ERI1: variants seen among roughly 807,000 people sequenced by gnomAD.
ERI1 encodes the protein exoribonuclease 1.
A neutral mutation model predicts 39.7 loss-of-function variants in ERI1; 39 were observed. That is an observed-to-expected ratio of 0.98 (90% CI 0.76 to 1.28). ERI1 has a LOEUF of 1.28. ERI1 is among the 50% of genes most tolerant of loss of function. The probability of loss-of-function intolerance (pLI) is 0.00; values close to 1 mark genes in which losing one functional copy is unlikely to be tolerated. For synonymous variants in ERI1, 204 were observed against 149.6 expected, an observed-to-expected ratio of 1.36 and a Z score of -2.65; for missense variants, 581 against 416.9, an observed-to-expected ratio of 1.39 and a Z score of -3.43.
intron 3 of ERI1, among the ~76,000 whole-genome samples, chr8:9,093,425 C>A (rs918504126): frequency 6.8e-6 from 1 of 146,226 alleles, no homozygotes; most frequent in African/African-American, 2.6e-5. Context: ...TGGGGGCATG[C>A]AATTCAACCC....
intron 3 of ERI1, among the ~76,000 whole-genome samples, chr8:9,043,448 A>T (rs1169845849): frequency 1.3e-5 from 2 of 152,200 alleles, no homozygotes; most frequent in African/African-American, 4.8e-5. Flanking sequence ...TAAATCAAAG[A>T]GCTCAGAGGA....
intron 6 of ERI1, among the ~76,000 whole-genome samples, chr8:9,027,159 G>A (rs1305404024): frequency 5.9e-5 from 9 of 151,484 alleles, no homozygotes; most frequent in African/African-American, 2.2e-4. Context: ...ATGTGTGTGT[G>A]TGTGTGTGTG....
rs145964264 is a variant in ERI1 at position 9,075,641 on chromosome 8, C to T, written n.300-40707C>T. 1.8e-3 allele frequency among the ~76,000 whole-genome samples: 276 copies of T among 152,134 alleles called. 1 individual carries two copies. The highest frequency in any genetic ancestry group is 6.3e-3 in the African/African-American group (260 of 41,498). On this transcript the variant is annotated intron_variant and non_coding_transcript_variant, in intron 3 of 3. Transcript: ENST00000518663. ...ACTTACAGGGGGCTTAGGAAAGCCACAAAGAATCCCCACGGTGTGCACACA... is the reference window on the plus strand; with the variant it reads ...ACTTACAGGGGGCTTAGGAAAGCCATAAAGAATCCCCACGGTGTGCACACA...
intron 4 of ERI1, among the ~76,000 whole-genome samples, chr8:9,017,674 G>A (rs1404972980): frequency 2.6e-5 from 4 of 152,198 alleles, no homozygotes; most frequent in Admixed American, 6.5e-5. Context: ...GAAAAGAATG[G>A]CTGGGCATTT....
intron 6 of ERI1, among the ~76,000 whole-genome samples, chr8:9,027,013 A>T (rs150564157): frequency 6.6e-6 from 1 of 152,066 alleles, no homozygotes; most frequent in African/African-American, 2.4e-5. Flanking sequence ...TGCTAATTCT[A>T]TGTTTAATTT....
intron 3 of ERI1, among the ~76,000 whole-genome samples, chr8:9,087,158 C>T (rs1482829885): frequency 6.6e-6 from 1 of 151,864 alleles, no homozygotes; most frequent in Non-Finnish European, 1.5e-5. Context: ...GGTTTTAAGC[C>T]CCACATGCAT....
At chr8:9,041,730 A>G (rs193106241) in intron 3 of ERI1, among the ~76,000 whole-genome samples, 33 of 152,278 alleles carry the variant, frequency 2.2e-4, no homozygotes, top group Admixed American at 3.9e-4. Context: ...GCATTTAAAA[A>G]CTAGAGAGAT....
At chr8:9,034,851 A>G (rs1797791487), downstream of ERI1, among the ~76,000 whole-genome samples, 1 of 152,232 alleles carries the variant, frequency 6.6e-6, no homozygotes. Context: ...TGTAAACCCA[A>G]AGGAAAAGTT....
chr8:9,029,037 A>G (rs1211855017), intron 6 of ERI1, among the ~76,000 whole-genome samples: 1 of 148,692 alleles, frequency 6.7e-6, no homozygotes, highest in Non-Finnish European at 1.5e-5. Flanking sequence ...CCTGAAAAAT[A>G]CCACACCACA....
chr8:9,013,502 C>T (rs1224465624), intron 3 of ERI1, among the ~76,000 whole-genome samples: 1 of 151,942 alleles, frequency 6.6e-6, no homozygotes, highest in Non-Finnish European at 1.5e-5. Flanking sequence ...TATCAGATGA[C>T]CCAGGTCTCA....
downstream of ERI1, among the ~76,000 whole-genome samples, chr8:9,034,078 G>C (rs1240455204): frequency 1.3e-5 from 2 of 152,230 alleles, no homozygotes; most frequent in Non-Finnish European, 2.9e-5. Context: ...AAATGTTAGT[G>C]TCTTGAGTTT....
intron 3 of ERI1, among the ~76,000 whole-genome samples, chr8:9,012,027 T>TA (rs564198397): frequency 3.5e-3 from 362 of 103,704 alleles, no homozygotes; most frequent in African/African-American, 9.6e-3. Flanking sequence ...TCCTGGTAAG[T>TA]AAAAAAATAA....
rs1001212885 is a variant in ERI1 at position 9,031,696 on chromosome 8, A to G, written c.*1662A>G. 1.3e-5 allele frequency: 2 copies of G among 152,200 alleles called. No homozygotes were observed. The highest frequency in any genetic ancestry group is 2.9e-5 in the Non-Finnish European group (2 of 68,034). 9.4% of individuals were successfully genotyped at this position (152,200 alleles called of 1,614,324 possible). A position where few individuals can be genotyped will look rare whatever the true frequency, so the allele number is the denominator to read the frequency against. On this transcript the variant is annotated 3_prime_UTR_variant, in exon 7 of 7. Transcript: ENST00000250263. ...CCTGTTTTCACTTTCGCCAAGTACCAACAAGCTCATGTTGTATTTCTTTTT... is the reference window on the plus strand; with the variant it reads ...CCTGTTTTCACTTTCGCCAAGTACCGACAAGCTCATGTTGTATTTCTTTTT...
At chr8:9,063,331 A>T (rs1159252602) in intron 3 of ERI1, among the ~76,000 whole-genome samples, 1 of 152,168 alleles carries the variant, frequency 6.6e-6, no homozygotes, top group African/African-American at 2.4e-5. Context: ...AGATAAAGAA[A>T]AAGCATTAAC....
downstream of ERI1, among the ~76,000 whole-genome samples, chr8:9,034,537 A>G (rs1797778497): frequency 6.6e-6 from 1 of 152,100 alleles, no homozygotes; most frequent in African/African-American, 2.4e-5. Flanking sequence ...GTGACTTTTG[A>G]TGTTACTATC....
chr8:9,098,442 C>G (rs562308901), intron 3 of ERI1, among the ~76,000 whole-genome samples: 1 of 152,132 alleles, frequency 6.6e-6, no homozygotes, highest in Non-Finnish European at 1.5e-5. Flanking sequence ...CGCTTGAACC[C>G]GGGACGCAGA....
At chr8:9,017,425 C>T (rs1365034882) in intron 4 of ERI1, among the ~76,000 whole-genome samples, 1 of 152,146 alleles carries the variant, frequency 6.6e-6, no homozygotes, top group South Asian at 2.1e-4. Flanking sequence ...TTCATTCACT[C>T]CACGTGTATT....
chr8:9,029,108 T>G (rs1015413168), intron 6 of ERI1, among the ~76,000 whole-genome samples: 2 of 151,888 alleles, frequency 1.3e-5, no homozygotes, highest in African/African-American at 4.8e-5. Context: ...TCTTTTTATC[T>G]AAGAAATCAG....
chr8:9,021,765 GTTTTT>G (rs1161148984), intron 6 of ERI1, among the ~76,000 whole-genome samples: 128 of 51,100 alleles, frequency 2.5e-3, no homozygotes, highest in African/African-American at 9.8e-3. Context: ...TATATTATTT[GTTTTT>G]TTTGTTTTTT....
Sources: allele counts gnomAD v4.1 joint callset (sites outside exome capture counted in the v4.1 genomes callset), GRCh38; gene constraint gnomAD v4.1.1; transcripts MANE v1.5; gene names NCBI Gene and HGNC (gene_info 2026-07-23, HGNC 2026-07-21).